Variants in SPOCK1 observed in about 807,000 individuals in gnomAD.
SPOCK1 encodes testican-1.
A neutral mutation model predicts 55.3 loss-of-function variants in SPOCK1; 23 were observed. The observed-to-expected ratio is 0.42, with a 90% CI of 0.30 to 0.59. SPOCK1 has a LOEUF of 0.59. SPOCK1 is among the 20% of genes least tolerant of loss of function. The pLI is 0.22. For missense variants in SPOCK1, 499 were observed against 552.5 expected (o/e 0.90, Z 0.97); for synonymous variants, 226 against 221.0 (o/e 1.02, Z -0.20).
chr5:137,228,639 A>T (rs1755993264), intron 3 of SPOCK1, among the ~76,000 whole-genome samples: 1 of 152,178 alleles, frequency 6.6e-6, no homozygotes, highest in Non-Finnish European at 1.5e-5. Flanking sequence ...AATCTGTCTC[A>T]AAACAAAAAT....
rs371540214 is a variant in SPOCK1 at position 137,141,612 on chromosome 5, G to C, written c.233-918C>G. On this transcript the variant is annotated intron_variant, in intron 3 of 10. Transcript: ENST00000394945. ...GACGGGCATATAAAATGATAACAGA[G>C]CCCAAGAGAAAAATGGAGATCAATT... 4.9e-4 allele frequency among the ~76,000 whole-genome samples: 74 copies of C among 152,294 alleles called. 1 individual carries two copies. The South Asian group carries it at 6.6e-3, about 14-fold the overall frequency.
chr5:137,070,279 G>A lies in SPOCK1; in HGVS notation c.475-2450C>T, dbSNP rs542014719. On this transcript the variant is annotated intron_variant, in intron 5 of 10. Coordinates refer to ENST00000394945, the MANE Select transcript of SPOCK1 (RefSeq NM_004598.4). ...CACAGCTAACGCACAATGTGAACAC[G>A]GAAATAGGGTTTATCATAATAAGCC... 6.8e-4 allele frequency among the ~76,000 whole-genome samples: 103 copies of A among 152,312 alleles called. 1 individual carries two copies. In the South Asian group the frequency reaches 0.021, roughly 30 times the overall value.
At chr5:137,311,963 G>A (rs1194482180) in intron 2 of SPOCK1, among the ~76,000 whole-genome samples, 1 of 152,228 alleles carries the variant, frequency 6.6e-6, no homozygotes, top group African/African-American at 2.4e-5. Context: ...TAGCTCGCCT[G>A]AATTAATTAG....
chr5:137,280,757 A>G (rs1757154052), intron 2 of SPOCK1, among the ~76,000 whole-genome samples: 1 of 152,276 alleles, frequency 6.6e-6, no homozygotes, highest in Non-Finnish European at 1.5e-5. Flanking sequence ...GGGGAAAGTT[A>G]CATAGGAAGA....
At chr5:137,259,476 C>A (rs1391102868) in intron 3 of SPOCK1, among the ~76,000 whole-genome samples, 1 of 152,044 alleles carries the variant, frequency 6.6e-6, no homozygotes, top group Non-Finnish European at 1.5e-5. Flanking sequence ...GCATCACATA[C>A]TGGGGCCTGT....
At chr5:137,250,237 T>G (rs1319569497) in intron 3 of SPOCK1, among the ~76,000 whole-genome samples, 1 of 152,232 alleles carries the variant, frequency 6.6e-6, no homozygotes. Flanking sequence ...ATTGGGTTGT[T>G]GCAGCACATA....
intron 3 of SPOCK1, among the ~76,000 whole-genome samples, chr5:137,221,164 C>A (rs1755840690): frequency 6.6e-6 from 1 of 152,168 alleles, no homozygotes; most frequent in African/African-American, 2.4e-5. Context: ...TAGCCTGTTG[C>A]CTTGGAAATT....
intron 2 of SPOCK1, among the ~76,000 whole-genome samples, chr5:137,472,475 G>A (rs766099983): frequency 6.6e-6 from 1 of 152,208 alleles, no homozygotes; most frequent in Non-Finnish European, 1.5e-5. Context: ...AGTCAGTCGG[G>A]AGAAAATAGG....
chr5:136,992,631 G>A (rs368155038), intron 6 of SPOCK1, 31 bp from the exon 7 acceptor site: 15 of 1,564,384 alleles, frequency 9.6e-6, no homozygotes, highest in Non-Finnish European at 1.2e-5. Context: ...CAGACAATGG[G>A]GCTGGGGGCT....
intron 3 of SPOCK1, among the ~76,000 whole-genome samples, chr5:137,262,850 C>T (rs894263049): frequency 6.6e-6 from 1 of 152,194 alleles, no homozygotes; most frequent in East Asian, 1.9e-4. Context: ...CCAGGAGAGG[C>T]TGCTAAATAG....
rs1050622495 is a variant in SPOCK1 at position 137,400,916 on chromosome 5, C to T, written c.186+97457G>A. ...CACTACCCAGAGGGCAGCTCTTCCA[C>T]AGCCACTTTCAGTTTTACCCAGCAG... On this transcript the variant is annotated intron_variant, in intron 2 of 10. Coordinates refer to ENST00000394945, the MANE Select transcript of SPOCK1 (RefSeq NM_004598.4). Among the ~76,000 whole-genome samples, 3 of 152,242 alleles carry T rather than the reference C, an allele frequency of 2.0e-5. No individual in the cohort carries two copies. In the South Asian group the frequency reaches 6.2e-4, roughly 31 times the overall value.
chr5:137,105,122 T>C (rs1218054268), intron 5 of SPOCK1, among the ~76,000 whole-genome samples: 1 of 152,208 alleles, frequency 6.6e-6, no homozygotes, highest in African/African-American at 2.4e-5. Context: ...GCTGCACAGA[T>C]GGGAACATCC....
At chr5:137,370,296 C>T (rs769719133) in intron 2 of SPOCK1, among the ~76,000 whole-genome samples, 2 of 152,154 alleles carry the variant, frequency 1.3e-5, no homozygotes, top group Non-Finnish European at 2.9e-5. Flanking sequence ...GGTCATCATG[C>T]CACGATCAGA....
At chr5:137,170,825 G>A (rs1754741868) in intron 3 of SPOCK1, among the ~76,000 whole-genome samples, 1 of 152,134 alleles carries the variant, frequency 6.6e-6, no homozygotes, top group Non-Finnish European at 1.5e-5. Flanking sequence ...GATGACTAAT[G>A]CAGGTGCTAC....
intron 2 of SPOCK1, among the ~76,000 whole-genome samples, chr5:137,354,427 A>AC (rs772635408): frequency 8.8e-5 from 13 of 147,372 alleles, no homozygotes; most frequent in East Asian, 2.0e-4. Context: ...CCCTCCCTTG[A>AC]CCCCCCCAGG....
chr5:137,445,420 A>G (rs1193461486), intron 2 of SPOCK1, among the ~76,000 whole-genome samples: 2 of 152,202 alleles, frequency 1.3e-5, no homozygotes, highest in Middle Eastern at 3.2e-3. Flanking sequence ...TGAGAAGAGA[A>G]AAAAAATTTT....
chr5:137,317,331 C>T (rs1406787843), intron 2 of SPOCK1, among the ~76,000 whole-genome samples: 1 of 152,202 alleles, frequency 6.6e-6, no homozygotes, highest in Non-Finnish European at 1.5e-5. Context: ...CCTTCCATCT[C>T]CTGGCCATGG....
At chr5:137,424,534 C>G (rs12152878) in intron 2 of SPOCK1, among the ~76,000 whole-genome samples, 1 of 152,162 alleles carries the variant, frequency 6.6e-6, no homozygotes, top group Non-Finnish European at 1.5e-5. Context: ...TGAATGCTCA[C>G]GGCAAACAAA....
Position 136,979,937 on chromosome 5 carries a change from CCG to C in SPOCK1, c.992-470_992-469del, listed in dbSNP as rs1028253569. ...CTTTGCCCAACCACATAAAGTGACT[CCG>C]TGAAATTGTTATAAAACTTTCTATA... On this transcript the variant is annotated intron_variant, in intron 9 of 10. Transcript: ENST00000394945. Among the ~76,000 whole-genome samples the C allele has an allele frequency of 5.9e-5, 9 of 152,178 alleles. 1 individual carries two copies. The highest frequency in any genetic ancestry group is 2.9e-5 in the Non-Finnish European group (2 of 68,034).
Sources: allele counts gnomAD v4.1 joint callset (sites outside exome capture counted in the v4.1 genomes callset), GRCh38; gene constraint gnomAD v4.1.1; transcripts MANE v1.5; gene names NCBI Gene and HGNC (gene_info 2026-07-23, HGNC 2026-07-21).